The following MYH11 variants were observed in gnomAD, a reference collection of about 807,000 sequenced individuals.
The protein encoded by MYH11 is myosin-11.
A neutral mutation model predicts 246.6 loss-of-function variants in MYH11; 80 were observed. The observed-to-expected ratio is 0.32, with a 90% CI of 0.27 to 0.39. The LOEUF (loss-of-function observed/expected upper bound fraction) is 0.39. Ranked by LOEUF, MYH11 falls within the 10% of genes least tolerant of loss-of-function variation. MYH11 has a pLI of 1.00. For synonymous variants in MYH11, 1,071 were observed against 1,015.5 expected (o/e 1.05, Z -1.04); for missense variants, 2,158 against 2,546.8 (o/e 0.85, Z 3.29).
chr16:15,734,209 T>C (rs2041048515), intron 26 of MYH11, among the ~76,000 whole-genome samples: 1 of 152,220 alleles, frequency 6.6e-6, no homozygotes, highest in Non-Finnish European at 1.5e-5. Context: ...TACTTGGGAA[T>C]TGGAGCTTGG....
chr16:15,721,787 T>C (rs573063702), intron 31 of MYH11, 153 bp from the exon 32 acceptor site: 5 of 740,286 alleles, frequency 6.8e-6, no homozygotes, highest in Non-Finnish European at 1.1e-5. Flanking sequence ...TATATAATCA[T>C]CTGGCGTTCT....
intron 1 of MYH11, among the ~76,000 whole-genome samples, chr16:15,855,650 C>T (rs1027416945): frequency 2.0e-4 from 31 of 152,280 alleles, no homozygotes; most frequent in African/African-American, 6.5e-4. Flanking sequence ...CTGAAGTGTT[C>T]CATCAACGGT....
At position 15,704,066 on chromosome 16, in the gene MYH11, A is replaced by G; in HGVS notation, c.5844T>C (p.Ile1948=). The part of the protein sequence containing the change: ...PSRRSGGRRV[I]ENADGSEEET... Reference sequence around the variant, plus strand: ...CCTCCTCAGAACCATCTGCATTTTCAATAACTCTACGTCCTCCAGACCTTC... The same window carrying G: ...CCTCCTCAGAACCATCTGCATTTTCGATAACTCTACGTCCTCCAGACCTTC... The change falls in exon 41 of 41, where the codon ATT becomes ATC. Residue 1948 remains isoleucine (I), a synonymous_variant. Transcript: ENST00000300036. 3.1e-6 allele frequency: 5 copies of G among 1,614,068 alleles called. No homozygotes were observed. The highest frequency in any genetic ancestry group is 2.7e-5 in the African/African-American group (2 of 74,984).
At chr16:15,803,554 T>C (rs951566680) in intron 3 of MYH11, among the ~76,000 whole-genome samples, 7 of 152,048 alleles carry the variant, frequency 4.6e-5, no homozygotes, top group Non-Finnish European at 1.0e-4. Context: ...TAAAAAGTGA[T>C]TTTTTAAAAG....
chr16:15,840,719 G>A (rs1165060650), intron 1 of MYH11, among the ~76,000 whole-genome samples: 4 of 152,076 alleles, frequency 2.6e-5, no homozygotes, highest in East Asian at 1.9e-4. Context: ...GCCACAGAGC[G>A]AGACCCTGTC....
chr16:15,775,478 C>T lies in MYH11; in HGVS notation c.889+600G>A, dbSNP rs543345478. Among the ~76,000 whole-genome samples, 17 of 150,454 alleles carry T rather than the reference C, an allele frequency of 1.1e-4. No individual in the cohort carries two copies. In the South Asian group the frequency reaches 3.6e-3, roughly 32 times the overall value. On this transcript the variant is annotated intron_variant, in intron 8 of 40. Transcript: ENST00000300036. ...CCTGAGCTCACTGGTTTATGTGTTG[C>T]CTGCACTCATTGGTTTATATATTGC...
At chr16:15,710,927 C>G (rs1008179944) in intron 40 of MYH11, among the ~76,000 whole-genome samples, 1 of 152,180 alleles carries the variant, frequency 6.6e-6, no homozygotes, top group African/African-American at 2.4e-5. Context: ...ATCAGCCCAC[C>G]TCAGCCTCCC....
At chr16:15,761,170 G>A (rs1838903469) in intron 10 of MYH11, among the ~76,000 whole-genome samples, 1 of 152,082 alleles carries the variant, frequency 6.6e-6, no homozygotes, top group South Asian at 2.1e-4. Context: ...GAGTGCAGTG[G>A]CGCGATCTCA....
chr16:15,835,901 C>T (rs888666003), intron 2 of MYH11, among the ~76,000 whole-genome samples: 39 of 151,688 alleles, frequency 2.6e-4, no homozygotes, highest in Non-Finnish European at 2.5e-4. Flanking sequence ...ATTATGAGTA[C>T]GCACCACTGC....
chr16:15,778,637 C>T, intron 7 of MYH11, 143 bp downstream of exon 7: 1 of 859,390 alleles, frequency 1.2e-6, no homozygotes, highest in Non-Finnish European at 2.0e-6. Context: ...CACCACAATG[C>T]CTGCTGTTAA....
chr16:15,763,741 T>TGGGGGCCCCC, intron 10 of MYH11, 55 bp downstream of exon 10: 12 of 646,832 alleles, frequency 1.9e-5, no homozygotes, highest in East Asian at 6.3e-5. Context: ...AAATGTCACC[T>TGGGGGCCCCC]CCCCCACCCC....
intron 3 of MYH11, among the ~76,000 whole-genome samples, chr16:15,800,809 G>A (rs1326947408): frequency 6.6e-6 from 1 of 152,068 alleles, no homozygotes; most frequent in Non-Finnish European, 1.5e-5. Context: ...GATTATAGAT[G>A]GATGTTTGGG....
At chr16:15,742,684 T>C (rs758631494) in intron 20 of MYH11, among the ~76,000 whole-genome samples, 1 of 151,830 alleles carries the variant, frequency 6.6e-6, no homozygotes, top group African/African-American at 2.4e-5. Context: ...TGAGCCACGA[T>C]TGTGCCACTG....
intron 7 of MYH11, among the ~76,000 whole-genome samples, chr16:15,777,043 A>T (rs190513277): frequency 6.6e-6 from 1 of 152,118 alleles, no homozygotes. Flanking sequence ...CCCATGTCCA[A>T]TCTGGAAAGC....
intron 1 of MYH11, among the ~76,000 whole-genome samples, chr16:15,851,014 G>A (rs1225115249): frequency 6.6e-6 from 1 of 152,204 alleles, no homozygotes; most frequent in African/African-American, 2.4e-5. Context: ...AGGATTGCTT[G>A]AATTAGGAGC....
At chr16:15,786,422 T>C (rs1009778016) in intron 5 of MYH11, 6 of 763,586 alleles carry the variant, frequency 7.9e-6, no homozygotes, top group Non-Finnish European at 1.2e-5. Context: ...GGCCCCCTTC[T>C]GGAGGGATGC....
At chr16:15,728,980 C>CA (rs894114043) in intron 27 of MYH11, among the ~76,000 whole-genome samples, 1 of 151,998 alleles carries the variant, frequency 6.6e-6, no homozygotes, top group Non-Finnish European at 1.5e-5. Context: ...AAGAGAAGCG[C>CA]AAGTATCCCG....
chr16:15,824,796 G>T (rs990120467), intron 2 of MYH11, among the ~76,000 whole-genome samples: 9 of 152,124 alleles, frequency 5.9e-5, no homozygotes, highest in Non-Finnish European at 1.0e-4. Flanking sequence ...TATCTAAGAA[G>T]AAACCCCAGT....
At chr16:15,719,120 T>A in intron 36 of MYH11, 100 bp downstream of exon 36, 7 of 1,208,500 alleles carry the variant, frequency 5.8e-6, no homozygotes, top group Non-Finnish European at 8.3e-6. Context: ...AGAATGAAAC[T>A]CTGTCTCGAA....
Sources: allele counts gnomAD v4.1 joint callset (sites outside exome capture counted in the v4.1 genomes callset), GRCh38; gene constraint gnomAD v4.1.1; transcripts MANE v1.5; gene names NCBI Gene and HGNC (gene_info 2026-07-23, HGNC 2026-07-21).